The following RBBP9 variants were observed in gnomAD, a reference collection of about 807,000 sequenced individuals.
The protein encoded by RBBP9 is RB binding protein 9, serine hydrolase, also known as serine hydrolase RBBP9.
RBBP9 carries 20 observed loss-of-function variants against 24.2 expected under a neutral mutation model. The ratio of observed to expected loss-of-function variants is 0.83; its 90% confidence interval spans 0.58 to 1.20. The LOEUF (loss-of-function observed/expected upper bound fraction) is 1.20, where lower values mean the gene tolerates loss of function less well. RBBP9 is among the 50% of genes most tolerant of loss of function. The probability of loss-of-function intolerance (pLI) is 0.00; values close to 1 mark genes in which losing one functional copy is unlikely to be tolerated. For synonymous variants in RBBP9, 74 were observed against 84.6 expected (o/e 0.87, Z 0.69); for missense variants, 234 against 233.6 (o/e 1.00, Z -0.01).
rs1312569691 is a variant in RBBP9 at position 18,488,856 on chromosome 20, G to A, written c.*908C>T. 1 of 152,094 alleles carries A rather than the reference G, an allele frequency of 6.6e-6. No homozygotes were observed. The highest frequency in any genetic ancestry group is 2.4e-5 in the African/African-American group (1 of 41,406). 9.4% of individuals were successfully genotyped at this position (152,094 alleles called of 1,614,324 possible). A position where few individuals can be genotyped will look rare whatever the true frequency, so the allele number is the denominator to read the frequency against. ...CTTATGACTGTGGTCACAAATGGAT[G>A]GCTTGGATTTTATTTGTCTTGCAGT... On this transcript the variant is annotated 3_prime_UTR_variant, in exon 5 of 5. Transcript: ENST00000337227.
intron 1 of RBBP9, among the ~76,000 whole-genome samples, 180 bp downstream of exon 1, chr20:18,496,889 T>C (rs2059888557): frequency 6.6e-6 from 1 of 152,084 alleles, no homozygotes; most frequent in African/African-American, 2.4e-5. Context: ...CAGGCAGTTT[T>C]ACCAGTCAAA....
rs565219087 is a variant in RBBP9, at chr20:18,489,914, G to A, written c.411C>T (p.Asp137=). Reference sequence around the variant, plus strand: ...GTTCCTTCCAGGGAAGGAACGGGTCGTCAGTAGAGCCAAACTGCACAATGT... The same window carrying A: ...GTTCCTTCCAGGGAAGGAACGGGTCATCAGTAGAGCCAAACTGCACAATGT... ...CPYIVQFGST[D]DPFLPWKEQQ... Residue 137 remains aspartate, a synonymous_variant, in exon 5 of 5, where the codon GAC becomes GAT. Coordinates refer to ENST00000337227, the MANE Select transcript of RBBP9 (RefSeq NM_006606.3). The A allele has an allele frequency of 4.6e-5, 74 of 1,613,898 alleles. No individual in the cohort carries two copies. The highest frequency in any genetic ancestry group is 3.3e-4 in the Admixed American group (20 of 60,012).
chr20:18,492,160 C>T (rs2059868642), intron 3 of RBBP9, among the ~76,000 whole-genome samples: 1 of 151,464 alleles, frequency 6.6e-6, no homozygotes, highest in Non-Finnish European at 1.5e-5. Context: ...ACATTTCACC[C>T]GTACTTTAGC....
chr20:18,495,806 T>A, intron 2 of RBBP9, 32 bp downstream of exon 2: 1 of 1,529,774 alleles, frequency 6.5e-7, no homozygotes, highest in East Asian at 2.3e-5. Context: ...CCCAACAAGA[T>A]GAGGCTATTT....
chr20:18,490,365 C>T, intron 4 of RBBP9, 30 bp downstream of exon 4: 1 of 1,560,174 alleles, frequency 6.4e-7, no homozygotes, highest in South Asian at 1.1e-5. Flanking sequence ...TAGAGAAGGG[C>T]TTTGCTCAGA....
intron 2 of RBBP9, among the ~76,000 whole-genome samples, chr20:18,494,887 A>C (rs1446415916): frequency 6.6e-6 from 1 of 152,192 alleles, no homozygotes; most frequent in Non-Finnish European, 1.5e-5. Flanking sequence ...GCCTGAAAAT[A>C]TTTGTAGACA....
chr20:18,496,090 C>G (rs192235937), intron 1 of RBBP9, among the ~76,000 whole-genome samples: 2 of 152,294 alleles, frequency 1.3e-5, no homozygotes, highest in Non-Finnish European at 2.9e-5. Flanking sequence ...ATAGAGAGAC[C>G]TATATCTGCA....
At position 18,489,910 on chromosome 20, in the gene RBBP9, GGTC is replaced by G; in HGVS notation, c.412_414del (p.Asp138del). The G allele has an allele frequency of 6.2e-7, 1 of 1,613,908 alleles. No individual in the cohort carries two copies. Among genetic ancestry groups the G allele is most frequent in the Non-Finnish European group, 8.5e-7 (1 of 1,179,904 alleles). ...TGTTGTTCCTTCCAGGGAAGGAACG[GGTC>G]GTCAGTAGAGCCAAACTGCACAATG... On this transcript the variant is annotated inframe_deletion, in exon 5 of 5. Transcript: ENST00000337227.
intron 1 of RBBP9, 47 bp from the exon 2 acceptor site, chr20:18,495,927 C>T: frequency 3.6e-6 from 5 of 1,383,502 alleles, no homozygotes; most frequent in Non-Finnish European, 4.9e-6. Flanking sequence ...AGCTTAATTA[C>T]AACTAATACT....
rs753472338 is a variant in RBBP9, at chr20:18,489,731, T to G, written c.*33A>C. ...GATAGTAGATATTATTCTACTCCTA[T>G]ATTGGGATGCAAAATAGCAGAAATC... On this transcript the variant is annotated 3_prime_UTR_variant, in exon 5 of 5. Transcript: ENST00000337227. The G allele has an allele frequency of 9.1e-6, 13 of 1,430,646 alleles. No individual in the cohort carries two copies. In the South Asian group the frequency reaches 1.5e-4, roughly 17 times the overall value. 88.6% of individuals were successfully genotyped at this position (1,430,646 alleles called of 1,614,324 possible). A position where few individuals can be genotyped will look rare whatever the true frequency, so the allele number is the denominator to read the frequency against.
intron 3 of RBBP9, among the ~76,000 whole-genome samples, chr20:18,491,353 G>A (rs2059864805): frequency 1.3e-5 from 2 of 152,222 alleles, no homozygotes; most frequent in African/African-American, 4.8e-5. Context: ...GCAGGCATGA[G>A]TCCTATTGAT....
chr20:18,497,010 C>A, intron 1 of RBBP9, 59 bp downstream of exon 1: 1 of 1,444,568 alleles, frequency 6.9e-7, no homozygotes, highest in Non-Finnish European at 9.7e-7. Context: ...GCCCTCAGTC[C>A]TCTCCCGCCG....
Position 18,497,190 on chromosome 20 carries a change from C to G in RBBP9, c.-23G>C. 1 of 1,591,102 alleles carries G rather than the reference C, an allele frequency of 6.3e-7. No individual in the cohort carries two copies. Among genetic ancestry groups the G allele is most frequent in the South Asian group, 1.1e-5 (1 of 90,308 alleles). The stretch of plus-strand genomic sequence containing the variant: ...CATGAGTGCAGCGAGGCCAGAGTTC[C>G]CCAGCGCGGGTCCAGCGGAGCTGAG... On this transcript the variant is annotated 5_prime_UTR_variant, in exon 1 of 5. Transcript: ENST00000337227.
At chr20:18,493,204 G>C (rs998198186) in intron 3 of RBBP9, among the ~76,000 whole-genome samples, 1 of 152,166 alleles carries the variant, frequency 6.6e-6, no homozygotes, top group African/African-American at 2.4e-5. Flanking sequence ...GCTAAAAGGG[G>C]AGATGTAATA....
chr20:18,496,467 A>G (rs1459153279), intron 1 of RBBP9, among the ~76,000 whole-genome samples: 1 of 152,214 alleles, frequency 6.6e-6, no homozygotes, highest in African/African-American at 2.4e-5. Context: ...GCTCACCAAG[A>G]AGCCAAATAG....
rs2059857662 is a variant in RBBP9 at position 18,489,803 on chromosome 20, C to G, written c.522G>C (p.Leu174=). Residue 174 remains leucine, a synonymous_variant, in exon 5 of 5, where the codon CTG becomes CTC. Transcript: ENST00000337227. ...GHFQNTEFHE[L]ITVVKSLLKV... Reference sequence around the variant, plus strand: ...TCAGCAAAGACTTTACAACAGTAATCAGTTCATGAAACTCTGTGTTCTGAA... The same window carrying G: ...TCAGCAAAGACTTTACAACAGTAATGAGTTCATGAAACTCTGTGTTCTGAA... 4 of 1,613,694 alleles carry G rather than the reference C, an allele frequency of 2.5e-6. No individual in the cohort carries two copies. Among genetic ancestry groups the G allele is most frequent in the Non-Finnish European group, 3.4e-6 (4 of 1,179,626 alleles).
chr20:18,494,198 G>A lies in RBBP9; in HGVS notation c.143-135C>T, dbSNP rs555824256. The stretch of plus-strand genomic sequence containing the variant: ...ACTGCAGGACCACAGCAGGAGACCA[G>A]ACTGTATTAACAAAACCAAAGATTT... On this transcript the variant is annotated intron_variant, in intron 2 of 4. Coordinates refer to ENST00000337227, the MANE Select transcript of RBBP9 (RefSeq NM_006606.3). The A allele has an allele frequency of 1.4e-5, 9 of 644,058 alleles. No individual in the cohort carries two copies. In the South Asian group the frequency reaches 1.5e-4, roughly 11 times the overall value. The allele number at this position is 644,058 out of a possible 1,614,324, so 39.9% of individuals were successfully genotyped here. A position where few individuals can be genotyped will look rare whatever the true frequency, so the allele number is the denominator to read the frequency against.
At position 18,489,717 on chromosome 20, in the gene RBBP9, T is replaced by C; in HGVS notation, c.*47A>G. 1 of 1,251,376 alleles carries C rather than the reference T, an allele frequency of 8.0e-7. No homozygotes were observed. The highest frequency in any genetic ancestry group is 1.2e-6 in the Non-Finnish European group (1 of 860,098). The allele number at this position is 1,251,376 out of a possible 1,614,324, so 77.5% of individuals were successfully genotyped here. A position where few individuals can be genotyped will look rare whatever the true frequency, so the allele number is the denominator to read the frequency against. On this transcript the variant is annotated 3_prime_UTR_variant, in exon 5 of 5. Transcript: ENST00000337227. ...TCTAGTAATCAGCTGATAGTAGATATTATTCTACTCCTATATTGGGATGCA... is the reference window on the plus strand; with the variant it reads ...TCTAGTAATCAGCTGATAGTAGATACTATTCTACTCCTATATTGGGATGCA...
At position 18,489,740 on chromosome 20, in the gene RBBP9, G is replaced by A. The variant is rs1475681627; in HGVS notation, c.*24C>T. 5 of 1,477,910 alleles carry A rather than the reference G, an allele frequency of 3.4e-6. No homozygotes were observed. Among genetic ancestry groups the A allele is most frequent in the Non-Finnish European group, 3.8e-6 (4 of 1,059,222 alleles). 91.5% of individuals were successfully genotyped at this position (1,477,910 alleles called of 1,614,324 possible). A position where few individuals can be genotyped will look rare whatever the true frequency, so the allele number is the denominator to read the frequency against. On this transcript the variant is annotated 3_prime_UTR_variant, in exon 5 of 5. Transcript: ENST00000337227. Reference sequence around the variant, plus strand: ...TATTATTCTACTCCTATATTGGGATGCAAAATAGCAGAAATCATACAGTCT... The same window carrying A: ...TATTATTCTACTCCTATATTGGGATACAAAATAGCAGAAATCATACAGTCT...
Sources: gnomAD v4.1 joint callset for allele counts (sites outside exome capture counted in the v4.1 genomes callset) on GRCh38, gnomAD v4.1.1 for gene constraint, MANE v1.5 for transcripts, NCBI Gene and HGNC (gene_info 2026-07-23, HGNC 2026-07-21) for gene names.